ADORA2B: variants seen among roughly 807,000 people sequenced by gnomAD.
ADORA2B encodes the protein adenosine receptor A2b.
ADORA2B carries 18 observed loss-of-function variants against 20.8 expected under a neutral mutation model. The ratio of observed to expected loss-of-function variants is 0.87; its 90% CI spans 0.60 to 1.29. The LOEUF (loss-of-function observed/expected upper bound fraction) is 1.29. Among genes scored for constraint, ADORA2B ranks in the 50% most tolerant of loss-of-function variants. The pLI is 0.00. For synonymous variants in ADORA2B, 179 were observed against 178.3 expected (o/e 1.00, Z -0.03); for missense variants, 441 against 422.7 (o/e 1.04, Z -0.38).
intron 1 of ADORA2B, among the ~76,000 whole-genome samples, chr17:15,948,399 G>GAT: frequency 1.7e-4 from 8 of 47,348 alleles, no homozygotes; most frequent in Non-Finnish European, 2.1e-4. Context: ...GGGCCCTGGC[G>GAT]GCGGGGGGCT....
chr17:15,916,977 C>T, the ADORA2B span, among the ~76,000 whole-genome samples: 1 of 152,234 alleles, frequency 6.6e-6, no homozygotes, highest in Non-Finnish European at 1.5e-5. Context: ...CAATGCTCCA[C>T]CATCGGCCAC....
chr17:15,942,972 C>G (rs570586645), upstream of ADORA2B, among the ~76,000 whole-genome samples: 1 of 152,226 alleles, frequency 6.6e-6, no homozygotes, highest in Non-Finnish European at 1.5e-5. Context: ...CCTTTGCCCT[C>G]TGCCACTCCA....
the ADORA2B span, among the ~76,000 whole-genome samples, chr17:15,852,357 G>A: frequency 3.3e-5 from 5 of 152,122 alleles, no homozygotes; most frequent in South Asian, 8.3e-4. Context: ...AGAAACATGG[G>A]TTTGAATTTA....
intron 1 of ADORA2B, among the ~76,000 whole-genome samples, chr17:15,970,917 G>A (rs1567784320): frequency 6.6e-6 from 1 of 152,172 alleles, no homozygotes; most frequent in African/African-American, 2.4e-5. Context: ...AGAAAAGGAT[G>A]GTCATGGGGC....
chr17:15,952,965 T>G (rs1969924001), intron 1 of ADORA2B, among the ~76,000 whole-genome samples: 1 of 152,262 alleles, frequency 6.6e-6, no homozygotes, highest in Admixed American at 6.5e-5. Flanking sequence ...CAAATGTATC[T>G]TCTTGGACAG....
chr17:15,859,073 C>G, the ADORA2B span, among the ~76,000 whole-genome samples: 1,030 of 152,242 alleles, frequency 6.8e-3, 17 homozygotes, highest in African/African-American at 0.023. Flanking sequence ...GTCCTCTCAC[C>G]TAAGCCTCCC....
the ADORA2B span, among the ~76,000 whole-genome samples, chr17:15,917,612 G>A: frequency 6.6e-6 from 1 of 152,232 alleles, no homozygotes; most frequent in Admixed American, 6.5e-5. Context: ...AGGGAACAGG[G>A]ATGCCCAGCA....
chr17:15,908,220 TG>T, the ADORA2B span, among the ~76,000 whole-genome samples: 29 of 152,244 alleles, frequency 1.9e-4, no homozygotes, highest in Admixed American at 3.3e-4. Flanking sequence ...CACAAGTAGC[TG>T]GAACTACAGG....
the ADORA2B span, among the ~76,000 whole-genome samples, chr17:15,891,420 T>C: frequency 3.3e-5 from 5 of 152,260 alleles, no homozygotes; most frequent in Non-Finnish European, 7.3e-5. Flanking sequence ...GTTTGCTTTG[T>C]ATTCTCTCTC....
intron 1 of ADORA2B, among the ~76,000 whole-genome samples, chr17:15,959,910 G>T (rs1006296337): frequency 6.6e-6 from 1 of 152,164 alleles, no homozygotes; most frequent in Non-Finnish European, 1.5e-5. Flanking sequence ...CTATTAAAAG[G>T]TCATGCTTGC....
chr17:15,856,801 T>TA, the ADORA2B span, among the ~76,000 whole-genome samples: 21 of 152,314 alleles, frequency 1.4e-4, no homozygotes, highest in African/African-American at 5.1e-4. Context: ...AATTGGAACT[T>TA]ATGTTTCAAA....
At chr17:15,896,313 TTAAACATA>T in the ADORA2B span, among the ~76,000 whole-genome samples, 7 of 152,200 alleles carry the variant, frequency 4.6e-5, no homozygotes, top group East Asian at 1.4e-3. Context: ...AAAACTGTGT[TTAAACATA>T]TTAAAGAGAT....
At chr17:15,894,653 A>T in the ADORA2B span, among the ~76,000 whole-genome samples, 1 of 152,228 alleles carries the variant, frequency 6.6e-6, no homozygotes, top group African/African-American at 2.4e-5. Flanking sequence ...TGTCTTAGAC[A>T]GAATCAGCTG....
At chr17:15,899,394 T>A in the ADORA2B span, among the ~76,000 whole-genome samples, 1 of 152,232 alleles carries the variant, frequency 6.6e-6, no homozygotes, top group Non-Finnish European at 1.5e-5. Context: ...AATAGCAGTT[T>A]CTGGGTGTAA....
the ADORA2B span, among the ~76,000 whole-genome samples, chr17:15,898,557 T>C: frequency 1.3e-5 from 2 of 151,304 alleles, no homozygotes; most frequent in South Asian, 4.2e-4. Flanking sequence ...TTAGTGGAGA[T>C]GGGGTTTCAC....
At chr17:15,929,474 G>T in the ADORA2B span, among the ~76,000 whole-genome samples, 1 of 152,138 alleles carries the variant, frequency 6.6e-6, no homozygotes, top group African/African-American at 2.4e-5. Context: ...ATGAGGGGCT[G>T]CCCTGGCAGG....
intron 1 of ADORA2B, among the ~76,000 whole-genome samples, chr17:15,951,605 C>T (rs1221081970): frequency 6.6e-6 from 1 of 152,250 alleles, no homozygotes; most frequent in East Asian, 1.9e-4. Context: ...AGAGGACACA[C>T]ACATGGCTAG....
the ADORA2B span, among the ~76,000 whole-genome samples, chr17:15,932,486 C>G: frequency 7.1e-6 from 1 of 140,244 alleles, no homozygotes; most frequent in Non-Finnish European, 1.5e-5. Flanking sequence ...GAGCAAGACT[C>G]TCTCAAAAAA....
At chr17:15,956,737 G>A (rs1221734545) in intron 1 of ADORA2B, among the ~76,000 whole-genome samples, 1 of 151,436 alleles carries the variant, frequency 6.6e-6, no homozygotes, top group Non-Finnish European at 1.5e-5. Context: ...CTGAGATTAC[G>A]GGCACATGCC....
Sources: gnomAD v4.1 joint callset for allele counts (sites outside exome capture counted in the v4.1 genomes callset) on GRCh38, gnomAD v4.1.1 for gene constraint, MANE v1.5 for transcripts, NCBI Gene and HGNC (gene_info 2026-07-23, HGNC 2026-07-21) for gene names.